TBC1D2B: variants seen among roughly 807,000 people sequenced by gnomAD.
TBC1D2B encodes the protein TBC1 domain family, member 2B.
A neutral mutation model predicts 100.8 loss-of-function variants in TBC1D2B; 64 were observed. The ratio of observed to expected loss-of-function variants is 0.64; its 90% CI spans 0.52 to 0.78. TBC1D2B has a LOEUF of 0.78. TBC1D2B is among the 30% of genes least tolerant of loss of function. The pLI, the probability that TBC1D2B is intolerant of heterozygous loss-of-function variation, is 0.00. For missense variants in TBC1D2B, 1,052 were observed against 1,218.4 expected (o/e 0.86, Z 2.03); for synonymous variants, 480 against 479.7 (o/e 1.00, Z -0.01).
chr15:77,998,908 GA>G (rs2071838094), intron 12 of TBC1D2B: 2 of 185,638 alleles, frequency 1.1e-5, no homozygotes, highest in South Asian at 2.1e-4. Flanking sequence ...AGTCTACAGA[GA>G]AATGTGCAGC....
intron 8 of TBC1D2B, among the ~76,000 whole-genome samples, chr15:78,013,919 C>T (rs964625628): frequency 2.6e-5 from 4 of 152,114 alleles, no homozygotes; most frequent in Non-Finnish European, 5.9e-5. Context: ...CAAATATCCT[C>T]ATGAGCCCTT....
At chr15:78,064,719 G>C (rs1353159668) in intron 1 of TBC1D2B, among the ~76,000 whole-genome samples, 1 of 151,728 alleles carries the variant, frequency 6.6e-6, no homozygotes, top group East Asian at 1.9e-4. Flanking sequence ...TCATGAGCCT[G>C]GAAACAATCT....
chr15:78,065,995 G>T (rs2073648286), intron 1 of TBC1D2B: 1 of 470,836 alleles, frequency 2.1e-6, no homozygotes, highest in African/African-American at 2.0e-5. Context: ...CTTCTCTCTG[G>T]TGAAAAGCTG....
Position 78,025,367 on chromosome 15 carries a change from T to A in TBC1D2B, c.978A>T (p.Ser326=). The change falls in exon 5 of 13, where the codon TCA becomes TCT. Residue 326 remains serine, a synonymous_variant. Transcript: ENST00000300584. ...TCCTGATGCTGACGCTGCCACTGCC[T>A]GATGTGCCTTCACTTGAAGGGTCAC... The part of the protein sequence containing the change: ...SSGDPSSEGT[S]GSGSVSIRKP... 1 of 1,614,012 alleles carries A rather than the reference T, an allele frequency of 6.2e-7. No homozygotes were observed. Among genetic ancestry groups the A allele is most frequent in the Non-Finnish European group, 8.5e-7 (1 of 1,179,896 alleles).
intron 7 of TBC1D2B, among the ~76,000 whole-genome samples, chr15:78,017,553 T>C (rs573829434): frequency 6.6e-6 from 1 of 152,374 alleles, no homozygotes; most frequent in East Asian, 1.9e-4. Flanking sequence ...CAATACCTTA[T>C]GTTCTTTTTT....
At chr15:78,029,753 TAA>T (rs1234235802) in intron 4 of TBC1D2B, among the ~76,000 whole-genome samples, 1 of 152,240 alleles carries the variant, frequency 6.6e-6, no homozygotes, top group Non-Finnish European at 1.5e-5. Context: ...AGTATTTCCA[TAA>T]AGAGGATCAT....
intron 1 of TBC1D2B, among the ~76,000 whole-genome samples, chr15:78,069,909 G>A (rs542797146): frequency 1.3e-5 from 2 of 152,318 alleles, no homozygotes; most frequent in South Asian, 4.1e-4. Context: ...CCAGCCTCCA[G>A]AACTATGAGA....
chr15:78,043,773 T>A (rs2073137434), intron 3 of TBC1D2B, among the ~76,000 whole-genome samples: 1 of 152,058 alleles, frequency 6.6e-6, no homozygotes, highest in Non-Finnish European at 1.5e-5. Flanking sequence ...GCTCATGTAA[T>A]CCCAGCACTT....
At chr15:78,042,242 C>A (rs1201629769) in intron 3 of TBC1D2B, among the ~76,000 whole-genome samples, 1 of 152,206 alleles carries the variant, frequency 6.6e-6, no homozygotes, top group African/African-American at 2.4e-5. Flanking sequence ...CATTACAGGT[C>A]TATTTCCACC....
At chr15:77,998,545 C>T (rs534387298) in intron 12 of TBC1D2B, 190 bp from the exon 13 acceptor site, 60 of 542,726 alleles carry the variant, frequency 1.1e-4, no homozygotes, top group African/African-American at 9.8e-4. Context: ...CAGCCAGGGG[C>T]AGGCTCAGAA....
At chr15:78,068,283 C>T (rs988412797) in intron 1 of TBC1D2B, among the ~76,000 whole-genome samples, 2 of 151,882 alleles carry the variant, frequency 1.3e-5, no homozygotes, top group African/African-American at 2.4e-5. Flanking sequence ...CAGCAAGCAG[C>T]ATAGTGCTTA....
At chr15:78,023,535 T>C (rs2072570112) in intron 6 of TBC1D2B, among the ~76,000 whole-genome samples, 1 of 152,170 alleles carries the variant, frequency 6.6e-6, no homozygotes, top group Non-Finnish European at 1.5e-5. Context: ...ACCCCAGGCA[T>C]GACTAGGAGG....
At chr15:78,020,856 T>C (rs2141682421) in intron 6 of TBC1D2B, among the ~76,000 whole-genome samples, 1 of 152,304 alleles carries the variant, frequency 6.6e-6, no homozygotes, top group South Asian at 2.1e-4. Context: ...AAGGAGAAGC[T>C]GTAGGCACGG....
chr15:78,026,682 G>A (rs1489547164), intron 4 of TBC1D2B, among the ~76,000 whole-genome samples: 5 of 152,108 alleles, frequency 3.3e-5, no homozygotes, highest in Admixed American at 6.6e-5. Flanking sequence ...TTGCGAGGCC[G>A]AGGCAGGTGG....
intron 12 of TBC1D2B, 136 bp from the exon 13 acceptor site, chr15:77,998,491 G>C (rs147565565): frequency 1.4e-6 from 1 of 727,612 alleles, no homozygotes; most frequent in South Asian, 2.1e-5. Context: ...TGATGTAGGG[G>C]ATGAGGCCCA....
intron 11 of TBC1D2B, 36 bp from the exon 12 acceptor site, chr15:78,001,776 AC>A: frequency 6.3e-7 from 1 of 1,575,308 alleles, no homozygotes; most frequent in Non-Finnish European, 8.6e-7. Flanking sequence ...TAGTGGAAAA[AC>A]CCTGTGGGTC....
intron 12 of TBC1D2B, chr15:77,999,460 C>A (rs1403360066): frequency 6.3e-6 from 2 of 319,162 alleles, no homozygotes; most frequent in East Asian, 8.8e-5. Flanking sequence ...TTCTGAATTC[C>A]CCAGTGTGTG....
chr15:78,031,485 C>T (rs556462281), intron 3 of TBC1D2B, among the ~76,000 whole-genome samples: 2 of 125,580 alleles, frequency 1.6e-5, no homozygotes, highest in African/African-American at 5.9e-5. Context: ...ACCTGGGAGG[C>T]GGAGGTTACA....
At chr15:78,058,022 C>G (rs940338659) in intron 1 of TBC1D2B, among the ~76,000 whole-genome samples, 1 of 152,250 alleles carries the variant, frequency 6.6e-6, no homozygotes, top group African/African-American at 2.4e-5. Flanking sequence ...TGTACCAACA[C>G]AGTAGCCCTA....
Sources: allele counts gnomAD v4.1 joint callset (sites outside exome capture counted in the v4.1 genomes callset), GRCh38; gene constraint gnomAD v4.1.1; transcripts MANE v1.5; gene names NCBI Gene and HGNC (gene_info 2026-07-23, HGNC 2026-07-21).